The following SAMD12 variants were observed in gnomAD, a reference collection of about 807,000 sequenced individuals.
SAMD12 encodes sterile alpha motif domain containing 12.
A neutral mutation model predicts 15.0 loss-of-function variants in SAMD12; 9 were observed. That is an observed-to-expected ratio of 0.60 (90% confidence interval 0.36 to 1.05). The LOEUF is 1.05. Ranked by LOEUF, SAMD12 falls within the 50% of genes least tolerant of loss-of-function variation. The probability of loss-of-function intolerance (pLI) is 0.01; values close to 1 mark genes in which losing one functional copy is unlikely to be tolerated. For synonymous variants in SAMD12, 86 were observed against 90.1 expected (o/e 0.96, Z 0.25); for missense variants, 230 against 234.2 (o/e 0.98, Z 0.12).
chr8:118,473,149 C>T lies in SAMD12; in HGVS notation c.193-33188G>A, dbSNP rs537463873. On this transcript the variant is annotated intron_variant, in intron 2 of 3. Coordinates refer to ENST00000314727, the MANE Select transcript of SAMD12 (RefSeq NM_207506.3). ...TTCAAAGCAGTTCTGGCAGTGGCTCCTCCCTCCAGCTTCTGTCCTCTACTA... is the reference window on the plus strand; with the variant it reads ...TTCAAAGCAGTTCTGGCAGTGGCTCTTCCCTCCAGCTTCTGTCCTCTACTA... 2.0e-5 allele frequency among the ~76,000 whole-genome samples: 3 copies of T among 152,246 alleles called. No individual in the cohort carries two copies. In the East Asian group the frequency reaches 5.8e-4, roughly 30 times the overall value.
intron 2 of SAMD12, among the ~76,000 whole-genome samples, chr8:118,576,804 T>G (rs533539082): frequency 6.6e-6 from 1 of 152,204 alleles, no homozygotes; most frequent in East Asian, 1.9e-4. Flanking sequence ...AAAGAGGCTG[T>G]GCCTTCTTTG....
At chr8:118,450,975 G>A (rs1563868164) in intron 2 of SAMD12, among the ~76,000 whole-genome samples, 1 of 152,110 alleles carries the variant, frequency 6.6e-6, no homozygotes, top group Non-Finnish European at 1.5e-5. Context: ...CATCATGTTC[G>A]ATATCATTCT....
Position 118,621,818 on chromosome 8 carries a change from C to G in SAMD12, c.-2G>C. 6.2e-7 allele frequency: 1 copy of G among 1,614,152 alleles called. No individual in the cohort carries two copies. Among genetic ancestry groups the G allele is most frequent in the Non-Finnish European group, 8.5e-7 (1 of 1,179,986 alleles). The stretch of plus-strand genomic sequence containing the variant: ...GCGTCCCTTACCTTCCACAGCCATT[C>G]TCTCAGAGCTTCCCTAACGCATGCA... On this transcript the variant is annotated 5_prime_UTR_variant, in exon 1 of 4. Coordinates refer to ENST00000314727, the MANE Select transcript of SAMD12 (RefSeq NM_207506.3).
chr8:118,260,702 A>G (rs1168164448), intron 4 of SAMD12, among the ~76,000 whole-genome samples: 1 of 152,016 alleles, frequency 6.6e-6, no homozygotes, highest in Non-Finnish European at 1.5e-5. Context: ...ATTGGAGTCT[A>G]TCCTCTTTAG....
At chr8:118,148,797 A>T in the SAMD12 span, among the ~76,000 whole-genome samples, 2 of 152,194 alleles carry the variant, frequency 1.3e-5, no homozygotes, top group East Asian at 1.9e-4. Context: ...GGTTATTTAC[A>T]TCTTTCTTGT....
chr8:118,267,549 G>A (rs1391118116), intron 4 of SAMD12, among the ~76,000 whole-genome samples: 1 of 152,056 alleles, frequency 6.6e-6, no homozygotes, highest in East Asian at 1.9e-4. Flanking sequence ...AGATGAGATG[G>A]GGAGAAACAA....
intron 2 of SAMD12, among the ~76,000 whole-genome samples, chr8:118,553,242 G>C (rs1219459142): frequency 2.0e-5 from 3 of 152,106 alleles, no homozygotes; most frequent in African/African-American, 7.2e-5. Flanking sequence ...TAAGCCAAAA[G>C]AACAAAGCTG....
At chr8:118,318,322 ATATATATATATATATATATATAT>A (rs1816034027) in intron 4 of SAMD12, among the ~76,000 whole-genome samples, 1 of 18,672 alleles carries the variant, frequency 5.4e-5, no homozygotes, top group East Asian at 6.8e-4. Context: ...ATATATATAT[ATATATATATATATATATATATAT>A]ATATATATAT....
chr8:118,263,604 T>A (rs1481773637), intron 4 of SAMD12, among the ~76,000 whole-genome samples: 3 of 151,648 alleles, frequency 2.0e-5, no homozygotes, highest in Non-Finnish European at 4.4e-5. Flanking sequence ...GTAAAAAAAA[T>A]AAAAAAAGAC....
chr8:118,335,628 T>C (rs956864577), intron 4 of SAMD12, among the ~76,000 whole-genome samples: 2 of 152,174 alleles, frequency 1.3e-5, no homozygotes, highest in African/African-American at 4.8e-5. Flanking sequence ...TCTACCACCC[T>C]AGGGAATGGT....
At chr8:118,272,443 T>A (rs753541493) in intron 4 of SAMD12, among the ~76,000 whole-genome samples, 17 of 152,222 alleles carry the variant, frequency 1.1e-4, no homozygotes, top group Non-Finnish European at 2.2e-4. Context: ...AGTGAAGGTC[T>A]CTGACTTACC....
chr8:118,594,296 C>T (rs1827663984), intron 1 of SAMD12, among the ~76,000 whole-genome samples: 1 of 151,938 alleles, frequency 6.6e-6, no homozygotes, highest in Admixed American at 6.6e-5. Context: ...AAGGTCTGTT[C>T]TTGATTATTC....
chr8:118,335,597 T>A (rs1817019026), intron 4 of SAMD12, among the ~76,000 whole-genome samples: 1 of 152,202 alleles, frequency 6.6e-6, no homozygotes, highest in Non-Finnish European at 1.5e-5. Flanking sequence ...GTGTGCCGAA[T>A]CTTTCAGTTG....
At chr8:118,207,295 T>C (rs1034390316) in intron 4 of SAMD12, among the ~76,000 whole-genome samples, 3 of 152,184 alleles carry the variant, frequency 2.0e-5, no homozygotes, top group Non-Finnish European at 4.4e-5. Flanking sequence ...GATGCATTTC[T>C]GGGAGAAGCA....
At chr8:118,505,167 T>G (rs1317178521) in intron 2 of SAMD12, among the ~76,000 whole-genome samples, 2 of 152,180 alleles carry the variant, frequency 1.3e-5, no homozygotes, top group Non-Finnish European at 2.9e-5. Context: ...CTGGCACTAG[T>G]TGGAATAAGA....
At chr8:118,382,216 C>A (rs1243508038) in intron 3 of SAMD12, among the ~76,000 whole-genome samples, 2 of 152,180 alleles carry the variant, frequency 1.3e-5, no homozygotes, top group Non-Finnish European at 2.9e-5. Flanking sequence ...AAATGTAGAT[C>A]ACCCTCCCTC....
At chr8:118,446,273 A>G (rs1822908976) in intron 2 of SAMD12, among the ~76,000 whole-genome samples, 1 of 151,638 alleles carries the variant, frequency 6.6e-6, no homozygotes, top group South Asian at 2.1e-4. Context: ...CCCACACTGA[A>G]TATTATTAAT....
intron 4 of SAMD12, among the ~76,000 whole-genome samples, chr8:118,292,349 G>GACACACATACACACAC (rs111807707): frequency 8.0e-5 from 11 of 137,720 alleles, no homozygotes; most frequent in African/African-American, 2.8e-4. Context: ...CAAACACACA[G>GACACACATACACACAC]ACACACACAC....
At chr8:118,345,471 G>A (rs76305979) in intron 4 of SAMD12, among the ~76,000 whole-genome samples, 2 of 152,320 alleles carry the variant, frequency 1.3e-5, no homozygotes, top group African/African-American at 4.8e-5. Context: ...GGTCTGGAAA[G>A]GTTAGTAGTG....
Sources: allele counts gnomAD v4.1 joint callset (sites outside exome capture counted in the v4.1 genomes callset), GRCh38; gene constraint gnomAD v4.1.1; transcripts MANE v1.5; gene names NCBI Gene and HGNC (gene_info 2026-07-23, HGNC 2026-07-21).